Variants in COL5A2 observed in about 807,000 individuals in gnomAD.
The protein encoded by COL5A2 is collagen type V alpha 2 chain, also known as collagen alpha-2(V) chain.
A neutral mutation model predicts 208.2 loss-of-function variants in COL5A2; 23 were observed. The ratio of observed to expected loss-of-function variants is 0.11; its 90% CI spans 0.08 to 0.16. COL5A2 has a LOEUF of 0.16. Among genes scored for constraint, COL5A2 ranks in the 10% least tolerant of loss-of-function variants. The probability of loss-of-function intolerance (pLI) is 1.00; values close to 1 mark genes in which losing one functional copy is unlikely to be tolerated. For missense variants in COL5A2, 1,590 were observed against 1,956.4 expected (o/e 0.81, Z 3.53); for synonymous variants, 625 against 628.5 (o/e 0.99, Z 0.08).
At chr2:189,151,400 T>G (rs1342943866) in intron 1 of COL5A2, among the ~76,000 whole-genome samples, 1 of 152,148 alleles carries the variant, frequency 6.6e-6, no homozygotes, top group Non-Finnish European at 1.5e-5. Context: ...AAAGACAATC[T>G]AGATAACAGA....
intron 1 of COL5A2, among the ~76,000 whole-genome samples, chr2:189,214,624 C>T (rs970098640): frequency 4.6e-5 from 7 of 151,766 alleles, no homozygotes; most frequent in Admixed American, 1.3e-4. Context: ...GTGTAATTTG[C>T]GAAAGGCAGT....
intron 31 of COL5A2, among the ~76,000 whole-genome samples, chr2:189,059,586 T>A (rs13022906): frequency 4.1e-5 from 2 of 48,874 alleles, no homozygotes; most frequent in Non-Finnish European, 7.6e-5. Flanking sequence ...TCTTTTCTGG[T>A]TTTTTTTTTT....
At chr2:189,235,339 T>C in the COL5A2 span, among the ~76,000 whole-genome samples, 3 of 151,858 alleles carry the variant, frequency 2.0e-5, no homozygotes, top group East Asian at 5.8e-4. Context: ...AATAAATATA[T>C]GCAAGAGTCT....
At position 189,093,133 on chromosome 2, in the gene COL5A2, A is replaced by T. The variant is rs1402628802; in HGVS notation, c.457-713T>A. Among the ~76,000 whole-genome samples the T allele has an allele frequency of 2.0e-5, 3 of 152,280 alleles. No individual in the cohort carries two copies. The East Asian group carries it at 5.8e-4, about 29-fold the overall frequency. ...AGTGAGCAATGATTTCTAGCTGCCA[A>T]ATTCCACCCTTCTCCTAACCCACAT... On this transcript the variant is annotated intron_variant, in intron 6 of 53. Transcript: ENST00000374866.
At chr2:189,421,639 G>A in the COL5A2 span, among the ~76,000 whole-genome samples, 2 of 152,010 alleles carry the variant, frequency 1.3e-5, no homozygotes, top group East Asian at 1.9e-4. Context: ...CCTGACTCCA[G>A]GCCAGTGCCC....
At position 189,034,236 on chromosome 2, in the gene COL5A2, TG is replaced by T; in HGVS notation, c.4354-21del. The T allele has an allele frequency of 6.2e-7, 1 of 1,613,664 alleles. No homozygotes were observed. Among genetic ancestry groups the T allele is most frequent in the South Asian group, 1.1e-5 (1 of 91,066 alleles). ...CCGCTTCTGAAATTAAATGATGCAA[TG>T]GGTTAAATGTACATACAATTTTTTC... is the stretch of plus-strand genomic sequence containing the variant. On this transcript the variant is annotated intron_variant, in intron 53 of 53. Coordinates refer to ENST00000374866, the MANE Select transcript of COL5A2 (RefSeq NM_000393.5).
chr2:189,079,217 A>T, intron 14 of COL5A2, 110 bp from the exon 15 acceptor site: 1 of 864,820 alleles, frequency 1.2e-6, no homozygotes, highest in East Asian at 2.4e-5. Context: ...CATATGAAAG[A>T]TGTACTTTTG....
At chr2:189,114,405 C>T (rs1353483740) in intron 1 of COL5A2, among the ~76,000 whole-genome samples, 1 of 151,950 alleles carries the variant, frequency 6.6e-6, no homozygotes, top group Admixed American at 6.6e-5. Context: ...TTTACTTAAA[C>T]GAAAAGAAAA....
chr2:189,264,098 A>T, the COL5A2 span, among the ~76,000 whole-genome samples: 4 of 152,130 alleles, frequency 2.6e-5, no homozygotes, highest in Non-Finnish European at 5.9e-5. Flanking sequence ...TAAAAAATCA[A>T]TTGCATTCTT....
intron 31 of COL5A2, among the ~76,000 whole-genome samples, chr2:189,059,585 G>GTTTTTTTTTTTTGTTTTTTTTTTTTTTTT (rs1685979486): frequency 3.5e-5 from 1 of 28,594 alleles, no homozygotes; most frequent in Non-Finnish European, 7.4e-5. Context: ...TTCTTTTCTG[G>GTTTTTTTTTTTTGTTTTTTTTTTTTTTTT]TTTTTTTTTT....
At chr2:189,124,731 TC>T (rs1687575587) in intron 1 of COL5A2, among the ~76,000 whole-genome samples, 1 of 151,418 alleles carries the variant, frequency 6.6e-6, no homozygotes, top group Admixed American at 6.6e-5. Context: ...AACTGTGTTT[TC>T]TTTTTTTTTT....
the COL5A2 span, among the ~76,000 whole-genome samples, chr2:189,419,859 G>A: frequency 6.7e-6 from 1 of 149,138 alleles, no homozygotes; most frequent in Non-Finnish European, 1.5e-5. Flanking sequence ...AAGGAAAAGA[G>A]GTGAGAGGAG....
chr2:189,053,454 T>C lies in COL5A2; in HGVS notation c.2523A>G (p.Pro841=). The C allele has an allele frequency of 1.2e-6, 2 of 1,613,952 alleles. No individual in the cohort carries two copies. Among genetic ancestry groups the C allele is most frequent in the Non-Finnish European group, 1.7e-6 (2 of 1,179,886 alleles). Residue 841 remains proline (P), a synonymous_variant, in exon 38 of 54, where the codon CCA becomes CCG. Transcript: ENST00000374866. ...GNPGSRGENG[P]TGAVGFAGPQ... ...GTCCGGCAAAACCAACAGCTCCAGT[T>C]GGCCCATTTTCACCTCGAGAACCCT...
At position 189,074,648 on chromosome 2, in the gene COL5A2, C is replaced by T. The variant is rs141058507; in HGVS notation, c.1104+745G>A. 4.7e-3 allele frequency among the ~76,000 whole-genome samples: 714 copies of T among 152,296 alleles called. 10 individuals are homozygous for T. The highest frequency in any genetic ancestry group is 0.017 in the African/African-American group (689 of 41,588). On this transcript the variant is annotated intron_variant, in intron 17 of 53. Transcript: ENST00000374866. ...CCCATTCTAAACTCAAACCCACAAA[C>T]GGTATGCTGTTCCTCTTTCTTTATT...
chr2:189,414,182 A>G, the COL5A2 span, among the ~76,000 whole-genome samples: 1 of 152,154 alleles, frequency 6.6e-6, no homozygotes, highest in African/African-American at 2.4e-5. Flanking sequence ...CTCTGGAATA[A>G]AGTTCAAATA....
chr2:189,151,168 T>C (rs1295622595), intron 1 of COL5A2, among the ~76,000 whole-genome samples: 1 of 152,060 alleles, frequency 6.6e-6, no homozygotes, highest in Non-Finnish European at 1.5e-5. Context: ...TAAGACACAC[T>C]AACCCCCAGC....
chr2:189,057,038 C>G lies in COL5A2; in HGVS notation c.2338-12G>C. On this transcript the variant is annotated splice_polypyrimidine_tract_variant and intron_variant, in intron 34 of 53. Transcript: ENST00000374866. ...TCTCCTATGCCACCCTGGGAAAACA[C>G]ACAAAATACAATTGATTCATTTAAT... 1 of 1,612,604 alleles carries G rather than the reference C, an allele frequency of 6.2e-7. No individual in the cohort carries two copies.
chr2:189,435,884 T>C, the COL5A2 span, among the ~76,000 whole-genome samples: 1 of 152,176 alleles, frequency 6.6e-6, no homozygotes, highest in Non-Finnish European at 1.5e-5. Context: ...ACACGTTATG[T>C]TTATTGCGGC....
the COL5A2 span, among the ~76,000 whole-genome samples, chr2:189,437,608 G>A: frequency 6.8e-4 from 103 of 152,274 alleles, no homozygotes; most frequent in African/African-American, 2.3e-3. Flanking sequence ...ACCCGCTTGT[G>A]ATAATCATCA....
Sources: gnomAD v4.1 joint callset for allele counts (sites outside exome capture counted in the v4.1 genomes callset) on GRCh38, gnomAD v4.1.1 for gene constraint, MANE v1.5 for transcripts, NCBI Gene and HGNC (gene_info 2026-07-23, HGNC 2026-07-21) for gene names.